SLC35F3: variants seen among roughly 807,000 people sequenced by gnomAD.
The protein encoded by SLC35F3 is putative thiamine transporter SLC35F3.
A neutral mutation model predicts 49.9 loss-of-function variants in SLC35F3; 25 were observed. The ratio of observed to expected loss-of-function variants is 0.50; its 90% CI spans 0.37 to 0.70. The LOEUF (loss-of-function observed/expected upper bound fraction) is 0.70. SLC35F3 is among the 30% of genes least tolerant of loss of function. SLC35F3 has a pLI of 0.00. For synonymous variants in SLC35F3, 275 were observed against 265.4 expected (o/e 1.04, Z -0.35); for missense variants, 525 against 639.8 (o/e 0.82, Z 1.94).
Position 234,021,039 on chromosome 1 carries a change from T to G in SLC35F3, c.283+115281T>G, listed in dbSNP as rs532680568. 4.6e-5 allele frequency among the ~76,000 whole-genome samples: 7 copies of G among 152,276 alleles called. No homozygotes were observed. In the East Asian group the frequency reaches 1.3e-3, roughly 29 times the overall value. ...TTTTGGAAAGAACTTCTATCCAGCC[T>G]TTTCTTTTTCAAGGGAAGTTGAGGC... On this transcript the variant is annotated intron_variant, in intron 2 of 7. Transcript: ENST00000366618.
intron 3 of SLC35F3, among the ~76,000 whole-genome samples, chr1:234,291,401 C>T (rs1198099977): frequency 6.6e-6 from 1 of 152,166 alleles, no homozygotes; most frequent in African/African-American, 2.4e-5. Flanking sequence ...TGGGGAGAGT[C>T]AGAGTAGAGC....
chr1:234,181,503 C>CTTT (rs1270012361), intron 2 of SLC35F3, among the ~76,000 whole-genome samples: 1 of 152,170 alleles, frequency 6.6e-6, no homozygotes, highest in East Asian at 1.9e-4. Context: ...GCATCAGGAT[C>CTTT]TAAATAAGGT....
intron 2 of SLC35F3, among the ~76,000 whole-genome samples, chr1:233,968,694 A>C (rs576348212): frequency 1.3e-5 from 2 of 152,180 alleles, no homozygotes; most frequent in South Asian, 4.1e-4. Flanking sequence ...CATCTTGGCC[A>C]GGCTGGTCTT....
intron 2 of SLC35F3, among the ~76,000 whole-genome samples, chr1:234,011,965 G>T (rs913055317): frequency 1.1e-4 from 17 of 152,198 alleles, no homozygotes; most frequent in Admixed American, 1.0e-3. Flanking sequence ...CACGGGCACC[G>T]GTCTCTGAGT....
At chr1:234,301,956 C>G (rs1218451476) in intron 3 of SLC35F3, among the ~76,000 whole-genome samples, 3 of 152,086 alleles carry the variant, frequency 2.0e-5, no homozygotes, top group African/African-American at 7.2e-5. Context: ...ACCAAACACC[C>G]CACATTCTCA....
In SLC35F3 at chr1:233,904,860, G is replaced by A; in HGVS notation, c.-218G>A. 1 of 271,338 alleles carries A rather than the reference G, an allele frequency of 3.7e-6. No individual in the cohort carries two copies. 16.8% of individuals were successfully genotyped at this position (271,338 alleles called of 1,614,324 possible). Reference sequence around the variant, plus strand: ...GCGCGCGGGCCGGCCTGGAGTCACCGGGCTGAACCGCCGCGCCTGCATCGT... The same window carrying A: ...GCGCGCGGGCCGGCCTGGAGTCACCAGGCTGAACCGCCGCGCCTGCATCGT... On this transcript the variant is annotated 5_prime_UTR_variant, in exon 1 of 8. Transcript: ENST00000366618.
At chr1:233,928,359 A>G (rs1469664351) in intron 2 of SLC35F3, among the ~76,000 whole-genome samples, 1 of 152,136 alleles carries the variant, frequency 6.6e-6, no homozygotes, top group Admixed American at 6.6e-5. Flanking sequence ...CCTTTCCTTT[A>G]CTCACAAATA....
At chr1:233,968,434 G>A (rs912632750) in intron 2 of SLC35F3, among the ~76,000 whole-genome samples, 2 of 151,786 alleles carry the variant, frequency 1.3e-5, no homozygotes, top group African/African-American at 4.8e-5. Flanking sequence ...CTGAAGTTTG[G>A]TATACAAATG....
chr1:234,164,425 T>C (rs538439148), intron 2 of SLC35F3, among the ~76,000 whole-genome samples: 1 of 150,582 alleles, frequency 6.6e-6, no homozygotes, highest in East Asian at 2.0e-4. Context: ...TTCTTTTTCC[T>C]CTCCCTCTCT....
In SLC35F3 at chr1:234,231,803, T is replaced by TGCCCCTGGTGCGCTGACTCC; in HGVS notation, c.608+64_608+65insCCCTGGTGCGCTGACTCCGC. 8 of 1,483,214 alleles carry TGCCCCTGGTGCGCTGACTCC rather than the reference T, an allele frequency of 5.4e-6. No individual in the cohort carries two copies. The highest frequency in any genetic ancestry group is 5.5e-6 in the Non-Finnish European group (6 of 1,089,154). 91.9% of individuals were successfully genotyped at this position (1,483,214 alleles called of 1,614,324 possible). ...GGGCTGCTCCATCCAGCGCTGACTC[T>TGCCCCTGGTGCGCTGACTCC]GCAGAGCTGCCCCTGGTGGCAGGCG... On this transcript the variant is annotated intron_variant, in intron 3 of 7. Transcript: ENST00000366618. This position sits in a 1 kb window ranked among gnomAD's most constrained non-coding sequence, Gnocchi z 5.4.
At chr1:234,050,109 T>C (rs1478611772) in intron 2 of SLC35F3, among the ~76,000 whole-genome samples, 1 of 152,216 alleles carries the variant, frequency 6.6e-6, no homozygotes, top group Non-Finnish European at 1.5e-5. Context: ...CGTGTGCATG[T>C]GTCTTTATAG....
chr1:234,164,819 C>A (rs1309340596), intron 2 of SLC35F3, among the ~76,000 whole-genome samples: 1 of 92,838 alleles, frequency 1.1e-5, no homozygotes, highest in African/African-American at 4.5e-5. Context: ...TGACATTTTG[C>A]AAAATGATAC....
intron 2 of SLC35F3, among the ~76,000 whole-genome samples, chr1:233,986,286 G>C (rs1043998195): frequency 1.3e-5 from 2 of 151,746 alleles, no homozygotes; most frequent in African/African-American, 4.8e-5. Context: ...AGGATTTTAG[G>C]TTTTACCCAA....
chr1:234,137,520 C>G (rs1435631572), intron 2 of SLC35F3, among the ~76,000 whole-genome samples: 1 of 152,092 alleles, frequency 6.6e-6, no homozygotes, highest in Admixed American at 6.5e-5. Flanking sequence ...AAGTAAAGGA[C>G]TTAAAGAGAG....
intron 2 of SLC35F3, among the ~76,000 whole-genome samples, chr1:234,070,847 A>G (rs1350511): frequency 0.26 from 38,838 of 152,128 alleles, 6,132 homozygotes; most frequent in East Asian, 0.47. Flanking sequence ...GCCTCCTTAA[A>G]ATAAATAATT....
chr1:234,267,519 A>G (rs866505565), intron 3 of SLC35F3, among the ~76,000 whole-genome samples: 66 of 116,268 alleles, frequency 5.7e-4, no homozygotes, highest in African/African-American at 1.9e-3. Context: ...TGACCCCCCC[A>G]CCTCCCTCCC....
chr1:233,967,666 C>A (rs2102815388), intron 2 of SLC35F3, among the ~76,000 whole-genome samples: 1 of 152,296 alleles, frequency 6.6e-6, no homozygotes, highest in Non-Finnish European at 1.5e-5. Context: ...TGCAGGATGA[C>A]TTCACATTTA....
At chr1:234,275,762 A>AT (rs1558094937) in intron 3 of SLC35F3, among the ~76,000 whole-genome samples, 319 of 139,780 alleles carry the variant, frequency 2.3e-3, no homozygotes, top group Middle Eastern at 0.011. Flanking sequence ...GAAAAAAAAA[A>AT]AATATATATA....
In SLC35F3 at chr1:234,068,723, T is replaced by A. The variant is rs900147802; in HGVS notation, c.284-162694T>A. Among the ~76,000 whole-genome samples the A allele has an allele frequency of 2.0e-5, 3 of 149,286 alleles. No homozygotes were observed. The Admixed American group carries it at 2.1e-4, about 10-fold the overall frequency. On this transcript the variant is annotated intron_variant, in intron 2 of 7. Coordinates refer to ENST00000366618, the MANE Select transcript of SLC35F3 (RefSeq NM_173508.4). The stretch of plus-strand genomic sequence containing the variant: ...GTAAGAGGCAAGAGTGCAGACCACG[T>A]AGGCCTTGCAGACCGCTGTAAATGC...
Sources: allele counts gnomAD v4.1 joint callset (sites outside exome capture counted in the v4.1 genomes callset), GRCh38; gene constraint gnomAD v4.1.1; non-coding constraint Gnocchi (gnomAD v3.1); transcripts MANE v1.5; gene names NCBI Gene and HGNC (gene_info 2026-07-23, HGNC 2026-07-21).